Variants in BIRC6 observed in about 807,000 individuals in gnomAD.
The protein encoded by BIRC6 is baculoviral IAP repeat containing 6, also known as dual E2 ubiquitin-conjugating enzyme/E3 ubiquitin-protein ligase BIRC6.
In BIRC6, 98 loss-of-function variants were observed where a neutral mutation model predicts 503.3. That is an observed-to-expected ratio of 0.19 (90% confidence interval 0.17 to 0.23). The LOEUF (loss-of-function observed/expected upper bound fraction) is 0.23, where lower values mean the gene tolerates loss of function less well. Ranked by LOEUF, BIRC6 falls within the 10% of genes least tolerant of loss-of-function variation. BIRC6 has a pLI of 1.00. For missense variants in BIRC6, 5,360 were observed against 5,806.0 expected, an observed-to-expected ratio of 0.92 and a Z score of 2.50; for synonymous variants, 2,240 against 2,078.7, an observed-to-expected ratio of 1.08 and a Z score of -2.11.
intron 57 of BIRC6, chr2:32,523,666 G>T (rs1284525746): frequency 6.6e-6 from 1 of 152,212 alleles, no homozygotes; most frequent in Non-Finnish European, 1.5e-5. Flanking sequence ...ACTGTAAAAT[G>T]AGAGTTATTA....
chr2:32,403,928 GTTT>G (rs55964632), intron 8 of BIRC6, among the ~76,000 whole-genome samples: 10 of 130,660 alleles, frequency 7.7e-5, no homozygotes, highest in Non-Finnish European at 8.2e-5. Flanking sequence ...ATGTGTGTGT[GTTT>G]TTTTTTTTTT....
chr2:32,427,223 T>C lies in BIRC6; in HGVS notation c.2873-1923T>C, dbSNP rs1442819495. ...TCTTCTTCATGGAATTCCCATTACATGTATGTTCTTAATATTTTATCTGTC... is the reference window on the plus strand; with the variant it reads ...TCTTCTTCATGGAATTCCCATTACACGTATGTTCTTAATATTTTATCTGTC... On this transcript the variant is annotated intron_variant, in intron 10 of 73. Transcript: ENST00000421745. 2.0e-5 allele frequency among the ~76,000 whole-genome samples: 3 copies of C among 152,228 alleles called. No homozygotes were observed. The East Asian group carries it at 5.8e-4, about 29-fold the overall frequency.
intron 50 of BIRC6, among the ~76,000 whole-genome samples, chr2:32,506,830 A>G (rs2053849575): frequency 6.6e-6 from 1 of 152,162 alleles, no homozygotes; most frequent in South Asian, 2.1e-4. Context: ...TGGATTACTT[A>G]ATCTCTTTTT....
In BIRC6 at chr2:32,473,210, A is replaced by T. The variant is rs1221963868; in HGVS notation, c.6691A>T (p.Ile2231Phe). 6.4e-7 allele frequency: 1 copy of T among 1,550,704 alleles called. No homozygotes were observed. The highest frequency in any genetic ancestry group is 2.4e-5 in the East Asian group (1 of 41,646). The change falls in exon 33 of 74, where the codon ATC becomes TTC. Residue 2231 changes from isoleucine to phenylalanine, a missense_variant. By Grantham distance (21) the Ile-to-Phe change is conservative. This residue lies in a region of BIRC6 where 2,299 missense variants were observed against 2,267.2 expected (regional missense o/e 1.01). Coordinates refer to ENST00000421745, the MANE Select transcript of BIRC6 (RefSeq NM_016252.4). ...CCTTGATAGATTATATTCCAGAAAA[A>T]TCAGAAAGCAGCTTGTTCATCATAA... ...SSLDRLYSRKIRKQLVHHKQQ... is the reference protein window; with the variant it reads ...SSLDRLYSRKFRKQLVHHKQQ...
chr2:32,357,178 G>A lies in BIRC6; in HGVS notation c.17G>A (p.Gly6Asp), dbSNP rs1470309800. 7 of 1,533,648 alleles carry A rather than the reference G, an allele frequency of 4.6e-6. No homozygotes were observed. Among genetic ancestry groups the A allele is most frequent in the Admixed American group, 2.1e-5 (1 of 48,606 alleles). ...TGGCCCCGGATGGTGACTGGTGGTG[G>A]TGCTGCACCTCCCGGGACTGTCACT... Reference protein sequence around the residue: MVTGGGAAPPGTVTEP... With the variant: MVTGGDAAPPGTVTEP... Residue 6 changes from glycine (G) to aspartate (D), a missense_variant, in exon 1 of 74, where the codon GGT becomes GAT. Physicochemically the swap from Gly to Asp is moderately conservative, Grantham distance 94. Around this residue, in one of 16 missense-constraint regions of BIRC6, gnomAD observed 145 missense variants for 106.9 expected, o/e 1.36. Coordinates refer to ENST00000421745, the MANE Select transcript of BIRC6 (RefSeq NM_016252.4). This position sits in a 1 kb window ranked among gnomAD's most constrained non-coding sequence, Gnocchi z 4.9.
intron 54 of BIRC6, among the ~76,000 whole-genome samples, chr2:32,514,371 A>G (rs569416885): frequency 3.3e-5 from 5 of 152,290 alleles, no homozygotes; most frequent in African/African-American, 1.2e-4. Context: ...ACTTTTCTAG[A>G]TTGTCCTTTT....
intron 65 of BIRC6, among the ~76,000 whole-genome samples, chr2:32,551,724 G>T (rs1401464357): frequency 1.3e-5 from 2 of 152,058 alleles, no homozygotes; most frequent in African/African-American, 4.8e-5. Flanking sequence ...TGGCAATGTG[G>T]GAGTTGAGGT....
chr2:32,531,381 C>G lies in BIRC6; in HGVS notation c.12121C>G (p.Pro4041Ala), dbSNP rs1427882798. 2.5e-6 allele frequency: 4 copies of G among 1,612,854 alleles called. No homozygotes were observed. In the African/African-American group the frequency reaches 5.3e-5, roughly 22 times the overall value. ...TCATGGAGACTTACTTGCTAGCTGT[C>G]CAGAAGATGAGGCTCTCACTCCAGG... is the stretch of plus-strand genomic sequence containing the variant. ...KDHGDLLASC[P>A]EDEALTPGDE... is the part of the protein sequence containing the mutation. Residue 4041 changes from proline (P) to alanine (A), a missense_variant, in exon 61 of 74, where the codon CCA becomes GCA. Pro to Ala is a conservative substitution (Grantham distance 27, BLOSUM62 -1). Transcript: ENST00000421745.
intron 9 of BIRC6, 118 bp downstream of exon 9, chr2:32,406,675 A>G (rs2041254897): frequency 6.2e-6 from 4 of 645,974 alleles, no homozygotes; most frequent in Non-Finnish European, 5.3e-6. Context: ...TTTTGCTAGT[A>G]TACACAGAAG....
chr2:32,383,498 A>G (rs79118242), intron 3 of BIRC6, among the ~76,000 whole-genome samples: 2,537 of 152,226 alleles, frequency 0.017, 54 homozygotes, highest in African/African-American at 0.059. Flanking sequence ...ACCCATCTTC[A>G]TTCTTGAAGA....
intron 11 of BIRC6, among the ~76,000 whole-genome samples, chr2:32,429,800 T>C (rs966553388): frequency 6.6e-6 from 1 of 152,218 alleles, no homozygotes; most frequent in African/African-American, 2.4e-5. Flanking sequence ...ATTTGCCTTG[T>C]AGACTTTTAT....
At chr2:32,488,885 A>C (rs1329908742) in intron 42 of BIRC6, among the ~76,000 whole-genome samples, 171 bp downstream of exon 42, 2 of 152,230 alleles carry the variant, frequency 1.3e-5, no homozygotes, top group African/African-American at 4.8e-5. Flanking sequence ...CAGGAAAGAT[A>C]CAGGGAGACC....
chr2:32,511,717 T>C (rs925279741), intron 53 of BIRC6, among the ~76,000 whole-genome samples: 1 of 151,928 alleles, frequency 6.6e-6, no homozygotes, highest in Non-Finnish European at 1.5e-5. Flanking sequence ...AGCATCCATA[T>C]TAGAAAAACA....
At chr2:32,505,256 A>C in intron 50 of BIRC6, 51 bp downstream of exon 50, 2 of 1,416,590 alleles carry the variant, frequency 1.4e-6, no homozygotes, top group East Asian at 5.0e-5. Flanking sequence ...TTAATTTAGA[A>C]ATATTTGAAA....
intron 6 of BIRC6, among the ~76,000 whole-genome samples, chr2:32,397,010 G>A (rs1161395676): frequency 6.6e-6 from 1 of 152,116 alleles, no homozygotes; most frequent in Non-Finnish European, 1.5e-5. Context: ...TTACAGGCGT[G>A]AGCCACTGCG....
In BIRC6 at chr2:32,380,347, C is replaced by G. The variant is rs1036553106; in HGVS notation, c.645+57C>G. The G allele has an allele frequency of 6.0e-6, 9 of 1,492,092 alleles. No individual in the cohort carries two copies. The African/African-American group carries it at 9.9e-5, about 16-fold the overall frequency. 92.4% of individuals were successfully genotyped at this position (1,492,092 alleles called of 1,614,324 possible). A position where few individuals can be genotyped will look rare whatever the true frequency, so the allele number is the denominator to read the frequency against. The stretch of plus-strand genomic sequence containing the variant: ...TTATATTACAATGGACACCTCCATT[C>G]TTTTGCACTTTCCTTTCCTCTCCTT... On this transcript the variant is annotated intron_variant, in intron 3 of 73. Coordinates refer to ENST00000421745, the MANE Select transcript of BIRC6 (RefSeq NM_016252.4).
chr2:32,611,108 C>CTTTTTTTTTTTTTTTTTTTTTTTTTT (rs1245765148), intron 72 of BIRC6, among the ~76,000 whole-genome samples: 14 of 126,162 alleles, frequency 1.1e-4, no homozygotes, highest in Admixed American at 1.1e-3. Context: ...ATTAAATTGC[C>CTTTTTTTTTTTTTTTTTTTTTTTTTT]TTTTTTTTTT....
intron 1 of BIRC6, among the ~76,000 whole-genome samples, chr2:32,374,226 A>T (rs566796976): frequency 2.0e-5 from 3 of 152,158 alleles, no homozygotes; most frequent in Middle Eastern, 3.4e-3. Context: ...AAAAAATCCA[A>T]TGGCCATGTT....
chr2:32,394,133 GTC>G (rs1238792245), intron 5 of BIRC6, among the ~76,000 whole-genome samples: 2 of 150,964 alleles, frequency 1.3e-5, no homozygotes, highest in Admixed American at 6.6e-5. Flanking sequence ...TTTTCTAAGA[GTC>G]TCTGTTAAGT....
Sources: allele counts gnomAD v4.1 joint callset (sites outside exome capture counted in the v4.1 genomes callset), GRCh38; gene constraint gnomAD v4.1.1; regional missense constraint gnomAD v4.1.1; non-coding constraint Gnocchi (gnomAD v3.1); transcripts MANE v1.5; gene names NCBI Gene and HGNC (gene_info 2026-07-23, HGNC 2026-07-21).